The following FSHR variants were observed in gnomAD, a reference collection of about 807,000 sequenced individuals.
The protein encoded by FSHR is follicle-stimulating hormone receptor.
A neutral mutation model predicts 52.1 loss-of-function variants in FSHR; 46 were observed. That is an observed-to-expected ratio of 0.88 (90% confidence interval 0.70 to 1.13). The LOEUF is 1.13. Ranked by LOEUF, FSHR falls within the 50% of genes most tolerant of loss-of-function variation. The probability of loss-of-function intolerance (pLI) is 0.00; values close to 1 mark genes in which losing one functional copy is unlikely to be tolerated. For missense variants in FSHR, 964 were observed against 834.6 expected, an observed-to-expected ratio of 1.16 and a Z score of -1.91; for synonymous variants, 399 against 309.6, an observed-to-expected ratio of 1.29 and a Z score of -3.03.
At chr2:49,061,737 TATTTATATATAAC>T (rs1669308440) in intron 2 of FSHR, among the ~76,000 whole-genome samples, 1 of 60,304 alleles carries the variant, frequency 1.7e-5, no homozygotes. Context: ...AATATATAGC[TATTTATATATAAC>T]TATTTATATA....
chr2:49,017,935 T>C (rs1455955162), intron 3 of FSHR, among the ~76,000 whole-genome samples: 1 of 151,870 alleles, frequency 6.6e-6, no homozygotes, highest in African/African-American at 2.4e-5. Flanking sequence ...GGAATGAGAC[T>C]AATATGGCGA....
Position 49,140,464 on chromosome 2 carries a change from G to A in FSHR, c.152+13802C>T, listed in dbSNP as rs188318111. Among the ~76,000 whole-genome samples, 519 of 152,284 alleles carry A rather than the reference G, an allele frequency of 3.4e-3. 2 individuals carry two copies. Among genetic ancestry groups the A allele is most frequent in the African/African-American group, 0.011 (475 of 41,550 alleles). On this transcript the variant is annotated intron_variant, in intron 1 of 9. Coordinates refer to ENST00000406846, the MANE Select transcript of FSHR (RefSeq NM_000145.4). ...CTTTCTGCACAGCCTGCTGAACTAT[G>A]AGCCAATTAAACCTCTTTTCATCAT...
intron 2 of FSHR, among the ~76,000 whole-genome samples, chr2:49,051,383 T>C (rs1157488225): frequency 1.3e-5 from 2 of 152,178 alleles, no homozygotes; most frequent in Admixed American, 6.5e-5. Flanking sequence ...GCCATTTTAA[T>C]GGGTATGTAA....
At chr2:49,090,721 G>A (rs1670573599) in intron 1 of FSHR, among the ~76,000 whole-genome samples, 1 of 152,164 alleles carries the variant, frequency 6.6e-6, no homozygotes, top group Admixed American at 6.5e-5. Flanking sequence ...ACCACATTGG[G>A]TTCTCAGGAG....
chr2:49,135,291 A>T (rs1672449550), intron 1 of FSHR, among the ~76,000 whole-genome samples: 1 of 152,172 alleles, frequency 6.6e-6, no homozygotes, highest in Non-Finnish European at 1.5e-5. Context: ...AATGAAATGG[A>T]ATGAAAAATA....
At chr2:49,110,730 C>T (rs1455457820) in intron 1 of FSHR, among the ~76,000 whole-genome samples, 1 of 152,102 alleles carries the variant, frequency 6.6e-6, no homozygotes, top group East Asian at 1.9e-4. Flanking sequence ...GCAATTCCTC[C>T]CATGGTGTGG....
chr2:49,044,391 T>G (rs1314444738), intron 2 of FSHR, among the ~76,000 whole-genome samples: 1 of 152,202 alleles, frequency 6.6e-6, no homozygotes, highest in African/African-American at 2.4e-5. Flanking sequence ...GGCATAACCT[T>G]GTTCAAGCAT....
intron 1 of FSHR, among the ~76,000 whole-genome samples, chr2:49,134,766 G>A (rs1266465659): frequency 6.6e-6 from 1 of 152,144 alleles, no homozygotes; most frequent in East Asian, 1.9e-4. Flanking sequence ...TCCTTTGTAT[G>A]GACATGGATG....
intron 2 of FSHR, among the ~76,000 whole-genome samples, chr2:49,055,616 A>G (rs1447355119): frequency 6.6e-6 from 1 of 151,028 alleles, no homozygotes; most frequent in Non-Finnish European, 1.5e-5. Context: ...ACAGTCAAAT[A>G]GTCAAAAGTC....
intron 1 of FSHR, among the ~76,000 whole-genome samples, chr2:49,123,693 G>A (rs1671897584): frequency 6.6e-6 from 1 of 152,134 alleles, no homozygotes; most frequent in Non-Finnish European, 1.5e-5. Flanking sequence ...TGCCCTTCAT[G>A]CAAGATTCAG....
intron 6 of FSHR, among the ~76,000 whole-genome samples, chr2:48,988,239 A>T (rs1307525551): frequency 2.0e-5 from 3 of 152,200 alleles, no homozygotes; most frequent in African/African-American, 2.4e-5. Flanking sequence ...ATATTTTTTT[A>T]AAAACACAAC....
At chr2:49,025,041 A>G (rs1040317640) in intron 2 of FSHR, among the ~76,000 whole-genome samples, 6 of 152,206 alleles carry the variant, frequency 3.9e-5, no homozygotes, top group Non-Finnish European at 8.8e-5. Context: ...TGAATGAATG[A>G]ATTATCTTTG....
At chr2:49,149,940 A>G (rs1348784230) in intron 1 of FSHR, among the ~76,000 whole-genome samples, 1 of 152,086 alleles carries the variant, frequency 6.6e-6, no homozygotes, top group Admixed American at 6.6e-5. Context: ...AATGACCATC[A>G]ATAGACCCTT....
chr2:49,064,307 G>C (rs1337313962), intron 2 of FSHR, among the ~76,000 whole-genome samples: 2 of 151,034 alleles, frequency 1.3e-5, no homozygotes, highest in Non-Finnish European at 2.9e-5. Flanking sequence ...TCCAACATTG[G>C]GAAATGTGGC....
chr2:49,127,830 CTCTTCTTCT>C (rs869083755), intron 1 of FSHR, among the ~76,000 whole-genome samples: 3 of 21,054 alleles, frequency 1.4e-4, no homozygotes, highest in African/African-American at 2.3e-4. Context: ...CTTCTTCTTC[CTCTTCTTCT>C]TCTTCTTCTT....
intron 6 of FSHR, among the ~76,000 whole-genome samples, chr2:48,987,209 A>G (rs1167315176): frequency 1.3e-5 from 2 of 151,226 alleles, no homozygotes; most frequent in African/African-American, 4.9e-5. Flanking sequence ...TTATTTTATT[A>G]TTATTACTTT....
intron 1 of FSHR, among the ~76,000 whole-genome samples, chr2:49,148,367 T>C (rs1672943669): frequency 6.6e-6 from 1 of 152,062 alleles, no homozygotes; most frequent in African/African-American, 2.4e-5. Context: ...TATCCGATCC[T>C]ATACTAGTTC....
intron 1 of FSHR, among the ~76,000 whole-genome samples, chr2:49,097,383 T>C (rs1343743220): frequency 2.0e-5 from 3 of 152,230 alleles, no homozygotes; most frequent in African/African-American, 7.2e-5. Flanking sequence ...TTTATTATTC[T>C]GTTGAGCCCA....
intron 1 of FSHR, among the ~76,000 whole-genome samples, chr2:49,130,508 A>G (rs747526008): frequency 2.6e-5 from 4 of 152,236 alleles, no homozygotes; most frequent in East Asian, 3.8e-4. Context: ...ATTTAGTTCA[A>G]TACAATCCAA....
Sources: allele counts gnomAD v4.1 joint callset (sites outside exome capture counted in the v4.1 genomes callset), GRCh38; gene constraint gnomAD v4.1.1; transcripts MANE v1.5; gene names NCBI Gene and HGNC (gene_info 2026-07-23, HGNC 2026-07-21).